The following ZC3H8 variants were observed in gnomAD, a reference collection of about 807,000 sequenced individuals.
ZC3H8 encodes zinc finger CCCH-type containing 8.
In ZC3H8, 27 loss-of-function variants were observed where a neutral mutation model predicts 42.5. The ratio of observed to expected loss-of-function variants is 0.64; its 90% CI spans 0.47 to 0.88. The LOEUF is 0.88. Ranked by LOEUF, ZC3H8 falls within the 40% of genes least tolerant of loss-of-function variation. The pLI is 0.00. For missense variants in ZC3H8, 277 were observed against 336.1 expected, an observed-to-expected ratio of 0.82 and a Z score of 1.37; for synonymous variants, 101 against 110.1, an observed-to-expected ratio of 0.92 and a Z score of 0.52.
rs756098495 is a variant in ZC3H8 at position 112,236,549 on chromosome 2, T to A, written c.504+13A>T. On this transcript the variant is annotated intron_variant, in intron 4 of 8. Transcript: ENST00000409573. ...CAGGGGTCAGGTATTCCTAGAAGCA[T>A]ATATTCCAATACCTCTTCCTGTGAG... is the stretch of plus-strand genomic sequence containing the variant. 1.2e-6 allele frequency: 2 copies of A among 1,610,740 alleles called. No individual in the cohort carries two copies. Among genetic ancestry groups the A allele is most frequent in the South Asian group, 2.2e-5 (2 of 90,194 alleles).
At chr2:112,223,510 C>A (rs1438699691) in intron 8 of ZC3H8, among the ~76,000 whole-genome samples, 1 of 152,028 alleles carries the variant, frequency 6.6e-6, no homozygotes. Flanking sequence ...CATGATAATT[C>A]TTGTATAACC....
At chr2:112,238,592 A>G (rs758497907) in intron 2 of ZC3H8, 64 bp from the exon 3 acceptor site, 4 of 1,351,552 alleles carry the variant, frequency 3.0e-6, no homozygotes, top group Non-Finnish European at 4.0e-6. Context: ...CTGGCTATAC[A>G]GAAGAAACAA....
At chr2:112,223,154 T>G (rs1259851180) in intron 8 of ZC3H8, among the ~76,000 whole-genome samples, 2 of 152,028 alleles carry the variant, frequency 1.3e-5, no homozygotes, top group East Asian at 3.9e-4. Context: ...ATATACCTAA[T>G]GTAAATGACG....
At chr2:112,252,697 A>G (rs1001676564) in intron 1 of ZC3H8, among the ~76,000 whole-genome samples, 1 of 152,000 alleles carries the variant, frequency 6.6e-6, no homozygotes, top group Admixed American at 6.6e-5. Context: ...TAACCCAATC[A>G]CACCAAGCTC....
intron 2 of ZC3H8, chr2:112,240,394 A>G (rs1361648379): frequency 6.6e-6 from 1 of 152,226 alleles, no homozygotes; most frequent in East Asian, 1.9e-4. Context: ...AATTTTATTT[A>G]GTAGGCATGG....
In ZC3H8 at chr2:112,238,195, T is replaced by A. The variant is rs2872045; in HGVS notation, c.370+120A>T. The A allele has an allele frequency of 3.9e-4, 403 of 1,033,904 alleles. No homozygotes were observed. In the African/African-American group the frequency reaches 5.6e-3, roughly 14 times the overall value. The allele number at this position is 1,033,904 out of a possible 1,614,324, so 64.0% of individuals were successfully genotyped here. ...GCAAGCTCATGTCTGGTATAAATAT[T>A]CATGAAAACCATAGTCTTATCATAA... On this transcript the variant is annotated intron_variant, in intron 3 of 8. Coordinates refer to ENST00000409573, the MANE Select transcript of ZC3H8 (RefSeq NM_032494.3).
At chr2:112,219,982 T>C (rs1573881445) in intron 8 of ZC3H8, among the ~76,000 whole-genome samples, 1 of 152,258 alleles carries the variant, frequency 6.6e-6, no homozygotes, top group East Asian at 1.9e-4. Context: ...CCTGTCTTTT[T>C]ATGTTTTCCA....
chr2:112,232,811 G>T (rs1405355468), intron 6 of ZC3H8, among the ~76,000 whole-genome samples: 2 of 152,164 alleles, frequency 1.3e-5, no homozygotes, highest in African/African-American at 4.8e-5. Context: ...TTTACAACTT[G>T]TCTGTGCCAT....
intron 5 of ZC3H8, 79 bp downstream of exon 5, chr2:112,234,041 A>G (rs758275748): frequency 8.6e-6 from 7 of 813,730 alleles, no homozygotes; most frequent in Non-Finnish European, 1.3e-5. Context: ...TTAAAAACCT[A>G]AAGGTATGAA....
At chr2:112,239,156 A>G (rs1468592279) in intron 2 of ZC3H8, among the ~76,000 whole-genome samples, 1 of 152,232 alleles carries the variant, frequency 6.6e-6, no homozygotes. Context: ...CACGTGCCCA[A>G]GGCAAGGGTG....
chr2:112,246,513 T>A (rs973348906), intron 2 of ZC3H8, among the ~76,000 whole-genome samples: 1 of 152,142 alleles, frequency 6.6e-6, no homozygotes, highest in Non-Finnish European at 1.5e-5. Flanking sequence ...ATTGCAACCC[T>A]CAGGGATGAC....
chr2:112,219,058 T>C (rs1684468675), intron 8 of ZC3H8, among the ~76,000 whole-genome samples: 1 of 152,158 alleles, frequency 6.6e-6, no homozygotes, highest in South Asian at 2.1e-4. Context: ...GCAATCTCTA[T>C]CAAATTCAAA....
intron 8 of ZC3H8, among the ~76,000 whole-genome samples, chr2:112,228,656 G>C (rs1385436208): frequency 2.0e-5 from 3 of 152,088 alleles, no homozygotes; most frequent in African/African-American, 7.2e-5. Flanking sequence ...AAACATAAGA[G>C]CACATCTTGT....
chr2:112,229,416 C>A (rs1459127910), intron 8 of ZC3H8, among the ~76,000 whole-genome samples: 1 of 152,152 alleles, frequency 6.6e-6, no homozygotes, highest in African/African-American at 2.4e-5. Context: ...AGGTGGAGTA[C>A]AGTTTCCTTC....
chr2:112,230,077 G>T (rs1019688948), intron 8 of ZC3H8, among the ~76,000 whole-genome samples: 1 of 152,082 alleles, frequency 6.6e-6, no homozygotes, highest in African/African-American at 2.4e-5. Context: ...AAAAACATGG[G>T]CAAAGACATT....
intron 8 of ZC3H8, among the ~76,000 whole-genome samples, chr2:112,225,881 A>G (rs937121383): frequency 6.6e-6 from 1 of 152,082 alleles, no homozygotes; most frequent in Non-Finnish European, 1.5e-5. Context: ...CAGGAGCTCA[A>G]GACCAGCCTG....
rs965566588 is a variant in ZC3H8, at chr2:112,215,883, G to T, written c.*601C>A. The T allele has an allele frequency of 6.6e-6, 1 of 152,124 alleles. No homozygotes were observed. Among genetic ancestry groups the T allele is most frequent in the Non-Finnish European group, 1.5e-5 (1 of 68,026 alleles). The allele number at this position is 152,124 out of a possible 1,614,324, so 9.4% of individuals were successfully genotyped here. A position where few individuals can be genotyped will look rare whatever the true frequency, so the allele number is the denominator to read the frequency against. On this transcript the variant is annotated 3_prime_UTR_variant, in exon 9 of 9. Transcript: ENST00000409573. ...TAAATTTAGAAATGGTATAGTAAGA[G>T]ATATTGTTTCACTTTATTTATAATA...
chr2:112,239,132 T>A (rs1685473390), intron 2 of ZC3H8, among the ~76,000 whole-genome samples: 2 of 152,228 alleles, frequency 1.3e-5, no homozygotes, highest in Non-Finnish European at 2.9e-5. Flanking sequence ...AAGAGTTTCC[T>A]AACTCTGTTG....
chr2:112,248,645 C>A (rs570695151), intron 2 of ZC3H8, among the ~76,000 whole-genome samples: 68 of 152,234 alleles, frequency 4.5e-4, no homozygotes, highest in Non-Finnish European at 5.3e-4. Flanking sequence ...TGCCTGCCAC[C>A]ATGCTTGGCT....
Sources: allele counts gnomAD v4.1 joint callset (sites outside exome capture counted in the v4.1 genomes callset), GRCh38; gene constraint gnomAD v4.1.1; transcripts MANE v1.5; gene names NCBI Gene and HGNC (gene_info 2026-07-23, HGNC 2026-07-21).